SLC12A2: variants seen among roughly 807,000 people sequenced by gnomAD.
The protein encoded by SLC12A2 is Na-K-2Cl cotransporter 1.
Under a neutral mutation model 136.3 loss-of-function variants are expected in SLC12A2, and 67 were observed. The ratio of observed to expected loss-of-function variants is 0.49; its 90% confidence interval spans 0.40 to 0.60. The LOEUF (loss-of-function observed/expected upper bound fraction) is 0.60, where lower values mean the gene tolerates loss of function less well. Ranked by LOEUF, SLC12A2 falls within the 20% of genes least tolerant of loss-of-function variation. SLC12A2 has a pLI of 0.00. For missense variants in SLC12A2, 1,322 were observed against 1,534.7 expected, an observed-to-expected ratio of 0.86 and a Z score of 2.32; for synonymous variants, 619 against 562.9, an observed-to-expected ratio of 1.10 and a Z score of -1.41.
intron 9 of SLC12A2, 101 bp from the exon 10 acceptor site, chr5:128,141,729 A>C (rs1762369126): frequency 2.3e-6 from 2 of 863,936 alleles, no homozygotes; most frequent in Non-Finnish European, 3.4e-6. Flanking sequence ...GTAGATATGT[A>C]GTCACTACTT....
intron 24 of SLC12A2, 59 bp downstream of exon 24, chr5:128,183,000 A>G: frequency 2.9e-6 from 3 of 1,019,702 alleles, no homozygotes; most frequent in Non-Finnish European, 4.4e-6. Flanking sequence ...ACACAGATTC[A>G]ACTTAATTAA....
intron 1 of SLC12A2, chr5:128,109,365 G>A: frequency 3.3e-6 from 1 of 307,658 alleles, no homozygotes. Flanking sequence ...TGCATGCCAG[G>A]CAGCACGCTT....
chr5:128,094,247 G>A (rs1039342794), intron 1 of SLC12A2, among the ~76,000 whole-genome samples: 1 of 150,388 alleles, frequency 6.6e-6, no homozygotes, highest in Non-Finnish European at 1.5e-5. Flanking sequence ...GCCTGACACA[G>A]TAGACCCTCA....
At chr5:128,156,924 G>A (rs1344219704) in intron 15 of SLC12A2, among the ~76,000 whole-genome samples, 2 of 152,136 alleles carry the variant, frequency 1.3e-5, no homozygotes, top group Non-Finnish European at 2.9e-5. Context: ...TAGCTCCTAG[G>A]AAGGCTAGGA....
In SLC12A2 at chr5:128,110,861, A is replaced by G. The variant is rs74794590; in HGVS notation, c.757-1953A>G. On this transcript the variant is annotated intron_variant, in intron 1 of 26. Coordinates refer to ENST00000262461, the MANE Select transcript of SLC12A2 (RefSeq NM_001046.3). Reference sequence around the variant, plus strand: ...GATGACATATTCTGTTATTATTTCAAACTTTTCCAGGAATATGCCAATTTA... The same window carrying G: ...GATGACATATTCTGTTATTATTTCAGACTTTTCCAGGAATATGCCAATTTA... 6,657 of 1,415,826 alleles carry G rather than the reference A, an allele frequency of 4.7e-3. 34 individuals are homozygous for G. Among genetic ancestry groups the G allele is most frequent in the Non-Finnish European group, 6.1e-3 (6,134 of 1,001,684 alleles). The allele number at this position is 1,415,826 out of a possible 1,614,324, so 87.7% of individuals were successfully genotyped here. A position where few individuals can be genotyped will look rare whatever the true frequency, so the allele number is the denominator to read the frequency against.
chr5:128,149,729 TC>T (rs956848206), intron 12 of SLC12A2, among the ~76,000 whole-genome samples: 10 of 151,854 alleles, frequency 6.6e-5, no homozygotes, highest in Admixed American at 6.6e-4. Context: ...ACGATACATG[TC>T]ATAAAACTAT....
intron 4 of SLC12A2, among the ~76,000 whole-genome samples, chr5:128,119,880 C>T (rs550987831): frequency 6.6e-6 from 1 of 152,224 alleles, no homozygotes; most frequent in South Asian, 2.1e-4. Context: ...AACTAAAGAG[C>T]TTCTGCACAA....
intron 2 of SLC12A2, among the ~76,000 whole-genome samples, chr5:128,113,685 A>G (rs1001360185): frequency 1.3e-5 from 2 of 152,164 alleles, no homozygotes; most frequent in South Asian, 2.1e-4. Flanking sequence ...ACTATGTTCT[A>G]TGTATGAACA....
At chr5:128,174,734 TATATA>T (rs753058291) in intron 20 of SLC12A2, 68 bp downstream of exon 20, 57 of 1,206,530 alleles carry the variant, frequency 4.7e-5, no homozygotes, top group Admixed American at 7.6e-5. Flanking sequence ...TATTTTTAAT[TATATA>T]ATATGTCTTA....
At chr5:128,159,904 T>C (rs963609939) in intron 16 of SLC12A2, among the ~76,000 whole-genome samples, 4 of 152,134 alleles carry the variant, frequency 2.6e-5, no homozygotes, top group African/African-American at 7.2e-5. Context: ...ACCCAAAGGA[T>C]TGTAAATCAT....
intron 7 of SLC12A2, among the ~76,000 whole-genome samples, chr5:128,137,393 ACT>A: frequency 6.6e-6 from 1 of 151,986 alleles, no homozygotes; most frequent in Non-Finnish European, 1.5e-5. Context: ...TGCTCAGCAA[ACT>A]CTTAGCTTAA....
intron 15 of SLC12A2, among the ~76,000 whole-genome samples, chr5:128,155,378 C>T (rs1178745957): frequency 2.6e-5 from 4 of 152,078 alleles, no homozygotes; most frequent in African/African-American, 9.7e-5. Flanking sequence ...ATGCATGCAT[C>T]CTTACCTTTA....
At chr5:128,098,454 G>T (rs1343613818) in intron 1 of SLC12A2, among the ~76,000 whole-genome samples, 2 of 150,714 alleles carry the variant, frequency 1.3e-5, no homozygotes, top group Non-Finnish European at 3.0e-5. Flanking sequence ...GGGCCACATG[G>T]AGGAAATTTC....
Position 128,114,643 on chromosome 5 carries a change from C to G in SLC12A2, c.1010C>G (p.Ser337Cys). 1 of 1,612,228 alleles carries G rather than the reference C, an allele frequency of 6.2e-7. No individual in the cohort carries two copies. The highest frequency in any genetic ancestry group is 8.5e-7 in the Non-Finnish European group (1 of 1,178,496). ...ATVVTTITGLSTSAIATNGFV... is the reference protein window; with the variant it reads ...ATVVTTITGLCTSAIATNGFV... ...GTTGTGACAACTATCACAGGATTGTCTACTTCAGCAATAGCAACTAATGGA... is the reference window on the plus strand; with the variant it reads ...GTTGTGACAACTATCACAGGATTGTGTACTTCAGCAATAGCAACTAATGGA... The change falls in exon 4 of 27, where the codon TCT becomes TGT. Residue 337 changes from serine (S) to cysteine (C), a missense_variant. Ser to Cys is a moderately radical substitution (Grantham distance 112). Coordinates refer to ENST00000262461, the MANE Select transcript of SLC12A2 (RefSeq NM_001046.3).
chr5:128,099,762 A>G (rs1245348413), intron 1 of SLC12A2, among the ~76,000 whole-genome samples: 3 of 152,168 alleles, frequency 2.0e-5, no homozygotes, highest in African/African-American at 7.2e-5. Context: ...GCCTAAGCCT[A>G]TAAAGGTTCA....
chr5:128,166,311 TAG>T (rs1763202002), intron 17 of SLC12A2, among the ~76,000 whole-genome samples: 1 of 152,204 alleles, frequency 6.6e-6, no homozygotes, highest in East Asian at 1.9e-4. Context: ...TAAGACTTAA[TAG>T]CATTGGATTT....
intron 15 of SLC12A2, among the ~76,000 whole-genome samples, chr5:128,156,736 C>T (rs1268597274): frequency 6.6e-6 from 1 of 152,178 alleles, no homozygotes; most frequent in Non-Finnish European, 1.5e-5. Context: ...CGTTCCTTAT[C>T]AGTCTGCCAT....
chr5:128,118,624 A>G (rs890247471), intron 4 of SLC12A2, among the ~76,000 whole-genome samples: 1 of 152,186 alleles, frequency 6.6e-6, no homozygotes, highest in Non-Finnish European at 1.5e-5. Context: ...CATTGGGTAT[A>G]GTGTATGCTG....
intron 6 of SLC12A2, among the ~76,000 whole-genome samples, chr5:128,134,642 T>C (rs1051685041): frequency 1.3e-5 from 2 of 152,112 alleles, no homozygotes; most frequent in Non-Finnish European, 2.9e-5. Flanking sequence ...ATAAAAGTTA[T>C]TGCCCACATG....
Sources: allele counts gnomAD v4.1 joint callset (sites outside exome capture counted in the v4.1 genomes callset), GRCh38; gene constraint gnomAD v4.1.1; transcripts MANE v1.5; gene names NCBI Gene and HGNC (gene_info 2026-07-23, HGNC 2026-07-21).